Variants in RSPH9 observed in about 807,000 individuals in gnomAD.
RSPH9 encodes radial spoke head component 9, also known as radial spoke head protein 9 homolog.
A neutral mutation model predicts 27.0 loss-of-function variants in RSPH9; 27 were observed. The ratio of observed to expected loss-of-function variants is 1.00; its 90% CI spans 0.74 to 1.38. The LOEUF (loss-of-function observed/expected upper bound fraction) is 1.38, where lower values mean the gene tolerates loss of function less well. Ranked by LOEUF, RSPH9 falls within the 40% of genes most tolerant of loss-of-function variation. The pLI, the probability that RSPH9 is intolerant of heterozygous loss-of-function variation, is 0.00. For missense variants in RSPH9, 347 were observed against 357.4 expected, an observed-to-expected ratio of 0.97 and a Z score of 0.24; for synonymous variants, 145 against 147.7, an observed-to-expected ratio of 0.98 and a Z score of 0.13.
intron 3 of RSPH9, 46 bp from the exon 4 acceptor site, chr6:43,656,531 G>A: frequency 6.2e-7 from 1 of 1,612,922 alleles, no homozygotes; most frequent in Non-Finnish European, 8.5e-7. Flanking sequence ...GGGGGCTGGG[G>A]GGTTTTGGGC....
chr6:43,661,518 G>C (rs113449749), intron 4 of RSPH9, among the ~76,000 whole-genome samples: 1 of 151,928 alleles, frequency 6.6e-6, no homozygotes, highest in Non-Finnish European at 1.5e-5. Flanking sequence ...AAAATTAGCC[G>C]GGCATGGTGG....
chr6:43,668,414 C>T (rs1182229631), intron 4 of RSPH9, among the ~76,000 whole-genome samples: 1 of 152,202 alleles, frequency 6.6e-6, no homozygotes, highest in African/African-American at 2.4e-5. Context: ...ATGCCGCTAC[C>T]GTACTCCACC....
At chr6:43,663,998 C>T (rs538369902) in intron 4 of RSPH9, among the ~76,000 whole-genome samples, 16 of 146,452 alleles carry the variant, frequency 1.1e-4, no homozygotes, top group African/African-American at 3.6e-4. Context: ...CACTGCACTC[C>T]AGCCTGGGTG....
intron 4 of RSPH9, among the ~76,000 whole-genome samples, chr6:43,668,091 G>C (rs1169099161): frequency 6.7e-6 from 1 of 149,078 alleles, no homozygotes; most frequent in Non-Finnish European, 1.5e-5. Flanking sequence ...TGGCTGCTAG[G>C]GGGCAGGAGG....
intron 4 of RSPH9, among the ~76,000 whole-genome samples, chr6:43,662,460 A>G (rs1272914966): frequency 2.0e-5 from 3 of 150,234 alleles, no homozygotes; most frequent in Non-Finnish European, 3.0e-5. Context: ...TCTGCCTCCC[A>G]GGTTCACGCC....
At chr6:43,666,908 T>C (rs1271398949) in intron 4 of RSPH9, among the ~76,000 whole-genome samples, 1 of 152,112 alleles carries the variant, frequency 6.6e-6, no homozygotes, top group Non-Finnish European at 1.5e-5. Context: ...TCACCACGCC[T>C]AATTTTTGTA....
chr6:43,655,994 T>TTCCTTCCC, intron 3 of RSPH9, among the ~76,000 whole-genome samples: 1 of 112,784 alleles, frequency 8.9e-6, no homozygotes, highest in Non-Finnish European at 1.8e-5. Context: ...TTGGACTTCC[T>TTCCTTCCC]TCCTTCCTTC....
chr6:43,671,857 C>G lies in RSPH9; in HGVS notation c.*908C>G. On this transcript the variant is annotated 3_prime_UTR_variant, in exon 5 of 5. Coordinates refer to ENST00000372163, the MANE Select transcript of RSPH9 (RefSeq NM_152732.5). ...ATGCGCACCCTGTTCCAGCGGGGGCCTTTTTTGTAGATGGGCTTGACGGAG... is the reference window on the plus strand; with the variant it reads ...ATGCGCACCCTGTTCCAGCGGGGGCGTTTTTTGTAGATGGGCTTGACGGAG... 1 of 1,613,912 alleles carries G rather than the reference C, an allele frequency of 6.2e-7. No individual in the cohort carries two copies. The highest frequency in any genetic ancestry group is 1.1e-5 in the South Asian group (1 of 91,054).
At chr6:43,646,996 ATGG>A (rs1164352995) in intron 1 of RSPH9, among the ~76,000 whole-genome samples, 1 of 150,958 alleles carries the variant, frequency 6.6e-6, no homozygotes, top group Non-Finnish European at 1.5e-5. Flanking sequence ...TTTGCAGGGC[ATGG>A]TGGTGCATAC....
At chr6:43,657,244 G>GC (rs1772131171) in intron 4 of RSPH9, among the ~76,000 whole-genome samples, 1 of 152,202 alleles carries the variant, frequency 6.6e-6, no homozygotes, top group South Asian at 2.1e-4. Flanking sequence ...CAGACTCAGC[G>GC]CCCCACTTCT....
Position 43,671,801 on chromosome 6 carries a change from A to G in RSPH9, c.*852A>G. The G allele has an allele frequency of 6.2e-7, 1 of 1,614,188 alleles. No homozygotes were observed. Among genetic ancestry groups the G allele is most frequent in the Non-Finnish European group, 8.5e-7 (1 of 1,180,028 alleles). On this transcript the variant is annotated 3_prime_UTR_variant, in exon 5 of 5. Transcript: ENST00000372163. The stretch of plus-strand genomic sequence containing the variant: ...TCCAAGGTGTTCTTGAGTAGCAGAC[A>G]TTGTCCCTCAGAAGGGGTGACCCCA...
At chr6:43,661,250 G>A (rs182694148) in intron 4 of RSPH9, among the ~76,000 whole-genome samples, 78 of 152,282 alleles carry the variant, frequency 5.1e-4, no homozygotes, top group Non-Finnish European at 1.0e-3. Flanking sequence ...TTTCCAAAAT[G>A]GTAAATAAGC....
Position 43,671,833 on chromosome 6 carries a change from T to C in RSPH9, c.*884T>C, listed in dbSNP as rs779888505. The C allele has an allele frequency of 3.1e-6, 5 of 1,614,072 alleles. No individual in the cohort carries two copies. Among genetic ancestry groups the C allele is most frequent in the Admixed American group, 1.7e-5 (1 of 60,000 alleles). On this transcript the variant is annotated 3_prime_UTR_variant, in exon 5 of 5. Transcript: ENST00000372163. The stretch of plus-strand genomic sequence containing the variant: ...CTCAGAAGGGGTGACCCCACGGGCA[T>C]GCGCACCCTGTTCCAGCGGGGGCCT...
Position 43,672,323 on chromosome 6 carries a change from C to A in RSPH9, c.*1374C>A. The A allele has an allele frequency of 2.2e-6, 1 of 463,922 alleles. No individual in the cohort carries two copies. The allele number at this position is 463,922 out of a possible 1,614,324, so 28.7% of individuals were successfully genotyped here. On this transcript the variant is annotated 3_prime_UTR_variant, in exon 5 of 5. Transcript: ENST00000372163. ...TTCCCCATTTGGCTCACTCAGCTAC[C>A]CCAACCTTCAGGGAACTCCCCAGGG...
chr6:43,645,737 A>G (rs1770788292), intron 1 of RSPH9, among the ~76,000 whole-genome samples: 1 of 152,184 alleles, frequency 6.6e-6, no homozygotes, highest in South Asian at 2.1e-4. Flanking sequence ...GGACCTGGAG[A>G]AGAAGCCAGG....
intron 2 of RSPH9, among the ~76,000 whole-genome samples, chr6:43,652,586 T>G (rs1771592053): frequency 6.6e-6 from 1 of 151,740 alleles, no homozygotes; most frequent in Admixed American, 6.6e-5. Context: ...GCACCACGCC[T>G]GGCTAATTTT....
At position 43,645,334 on chromosome 6, in the gene RSPH9, G is replaced by GC. The variant is rs1366660609; in HGVS notation, c.227+14dup. On this transcript the variant is annotated intron_variant, in intron 1 of 4. Transcript: ENST00000372163. ...CGCAAGACGCTCTATAGGTGAGGAG[G>GC]CCCCCGGGACGGGCTCCCCAGAGGG... is the stretch of plus-strand genomic sequence containing the variant. 7 of 1,199,410 alleles carry GC rather than the reference G, an allele frequency of 5.8e-6. No homozygotes were observed. Among genetic ancestry groups the GC allele is most frequent in the East Asian group, 6.3e-5 (1 of 15,944 alleles). The allele number at this position is 1,199,410 out of a possible 1,614,324, so 74.3% of individuals were successfully genotyped here. A position where few individuals can be genotyped will look rare whatever the true frequency, so the allele number is the denominator to read the frequency against.
Position 43,645,272 on chromosome 6 carries a change from C to T in RSPH9, c.174C>T (p.Tyr58=). ...TCCTTGGCCTCGTCGCCGATTACTACATCGCGCAGGGCCTGAGTGAGGACC... is the reference window on the plus strand; with the variant it reads ...TCCTTGGCCTCGTCGCCGATTACTATATCGCGCAGGGCCTGAGTGAGGACC... The part of the protein sequence containing the change: ...GRILGLVADY[Y]IAQGLSEDQL... The change falls in exon 1 of 5, where the codon TAC becomes TAT. Residue 58 remains tyrosine, a synonymous_variant. Transcript: ENST00000372163. The T allele has an allele frequency of 6.2e-7, 1 of 1,613,990 alleles. No homozygotes were observed.
At chr6:43,664,025 T>A (rs1489655877) in intron 4 of RSPH9, among the ~76,000 whole-genome samples, 4 of 117,496 alleles carry the variant, frequency 3.4e-5, no homozygotes, top group African/African-American at 1.9e-4. Context: ...TGAGAATGTC[T>A]CGAAAAAAAA....
Sources: gnomAD v4.1 joint callset for allele counts (sites outside exome capture counted in the v4.1 genomes callset) on GRCh38, gnomAD v4.1.1 for gene constraint, MANE v1.5 for transcripts, NCBI Gene and HGNC (gene_info 2026-07-23, HGNC 2026-07-21) for gene names.